The following EPB41L2 variants were observed in gnomAD, a reference collection of about 807,000 sequenced individuals.
EPB41L2 encodes band 4.1-like protein 2.
EPB41L2 carries 43 observed loss-of-function variants against 113.0 expected under a neutral mutation model. The ratio of observed to expected loss-of-function variants is 0.38; its 90% CI spans 0.30 to 0.49. EPB41L2 has a LOEUF of 0.49. Ranked by LOEUF, EPB41L2 falls within the 20% of genes least tolerant of loss-of-function variation. EPB41L2 has a pLI of 0.95. For synonymous variants in EPB41L2, 442 were observed against 436.7 expected (o/e 1.01, Z -0.15); for missense variants, 1,147 against 1,223.4 (o/e 0.94, Z 0.93).
intron 1 of EPB41L2, among the ~76,000 whole-genome samples, chr6:131,020,019 A>T (rs1387991603): frequency 6.6e-6 from 1 of 152,046 alleles, no homozygotes; most frequent in Non-Finnish European, 1.5e-5. Context: ...ACTAATTTCC[A>T]AGGTTTTCTG....
chr6:130,858,044 A>T, intron 19 of EPB41L2, 87 bp downstream of exon 19: 1 of 1,030,222 alleles, frequency 9.7e-7, no homozygotes, highest in Non-Finnish European at 1.5e-6. Flanking sequence ...GAAGACACTG[A>T]TATGAACTTT....
intron 1 of EPB41L2, among the ~76,000 whole-genome samples, chr6:131,051,145 A>C (rs1198737284): frequency 6.6e-6 from 1 of 152,092 alleles, no homozygotes; most frequent in Non-Finnish European, 1.5e-5. Flanking sequence ...TTCTTGACCA[A>C]TAACATATCA....
chr6:130,937,709 C>A (rs1452655482), intron 3 of EPB41L2, among the ~76,000 whole-genome samples: 1 of 151,868 alleles, frequency 6.6e-6, no homozygotes, highest in African/African-American at 2.4e-5. Flanking sequence ...ATCCCAGCTA[C>A]TCGGGAGGCT....
intron 3 of EPB41L2, among the ~76,000 whole-genome samples, chr6:130,936,017 A>G (rs1808662783): frequency 6.6e-6 from 1 of 152,206 alleles, no homozygotes; most frequent in Non-Finnish European, 1.5e-5. Flanking sequence ...ATACCCACAA[A>G]TTTTATACAA....
intron 1 of EPB41L2, among the ~76,000 whole-genome samples, chr6:131,041,675 C>T (rs1395087320): frequency 6.6e-6 from 1 of 152,060 alleles, no homozygotes; most frequent in Non-Finnish European, 1.5e-5. Context: ...ATGTGGGAAA[C>T]TCTATAGAGC....
At chr6:131,035,450 T>C (rs1372072603) in intron 1 of EPB41L2, among the ~76,000 whole-genome samples, 1 of 152,190 alleles carries the variant, frequency 6.6e-6, no homozygotes, top group East Asian at 1.9e-4. Flanking sequence ...CTCTTCTGCT[T>C]CCTTCCCTGA....
intron 1 of EPB41L2, among the ~76,000 whole-genome samples, chr6:131,011,496 C>A (rs945994963): frequency 6.6e-6 from 1 of 152,150 alleles, no homozygotes; most frequent in Non-Finnish European, 1.5e-5. Context: ...TTCCATGTAA[C>A]CATTGTATTT....
chr6:130,858,155 G>C lies in EPB41L2; in HGVS notation c.2999C>G (p.Ala1000Gly), dbSNP rs1210010003. 1.9e-6 allele frequency: 3 copies of C among 1,613,722 alleles called. No individual in the cohort carries two copies. Among genetic ancestry groups the C allele is most frequent in the African/African-American group, 1.3e-5 (1 of 74,922 alleles). Residue 1000 changes from alanine to glycine, a missense_variant, in exon 19 of 20, where the codon GCT becomes GGT. By Grantham distance (60) the Ala-to-Gly change is moderately conservative (BLOSUM62 0). Transcript: ENST00000337057. Reference protein sequence around the residue: ...RVVVHKETELAEEGED With the variant: ...RVVVHKETELGEEGED The stretch of plus-strand genomic sequence containing the variant: ...CCTTACTTAATCTTCCCCTTCCTCA[G>C]CCAACTCTGTTTCTTTGTGTACCAC...
intron 3 of EPB41L2, among the ~76,000 whole-genome samples, chr6:130,945,818 G>GT (rs1401408999): frequency 6.6e-6 from 1 of 151,914 alleles, no homozygotes; most frequent in Non-Finnish European, 1.5e-5. Flanking sequence ...AAACCTTATT[G>GT]TTTTTTTCCC....
chr6:131,016,475 GAAAC>G (rs1205466296), intron 1 of EPB41L2, among the ~76,000 whole-genome samples: 1 of 79,740 alleles, frequency 1.3e-5, no homozygotes, highest in African/African-American at 4.4e-5. Context: ...ATTTAATAAG[GAAAC>G]ACACACACAC....
chr6:130,899,414 T>G, intron 8 of EPB41L2, 77 bp downstream of exon 8: 1 of 1,145,754 alleles, frequency 8.7e-7, no homozygotes, highest in Non-Finnish European at 1.3e-6. Context: ...TAAGCTGTGC[T>G]ATCCTGAAAC....
At chr6:130,977,143 G>A (rs1322160444) in intron 1 of EPB41L2, among the ~76,000 whole-genome samples, 1 of 152,114 alleles carries the variant, frequency 6.6e-6, no homozygotes, top group Non-Finnish European at 1.5e-5. Context: ...AGGGATGAAA[G>A]AAATAAAACA....
At chr6:131,062,214 A>G (rs1169377534) in intron 1 of EPB41L2, among the ~76,000 whole-genome samples, 1 of 151,494 alleles carries the variant, frequency 6.6e-6, no homozygotes, top group Non-Finnish European at 1.5e-5. Flanking sequence ...AAAAAAAAAA[A>G]CTTGACCTCA....
At chr6:130,956,749 T>C (rs1023702507) in intron 1 of EPB41L2, among the ~76,000 whole-genome samples, 5 of 152,228 alleles carry the variant, frequency 3.3e-5, no homozygotes, top group African/African-American at 9.6e-5. Flanking sequence ...GAGTTCCATA[T>C]AGCTAGAACT....
At chr6:130,888,156 T>C (rs1470997249) in intron 11 of EPB41L2, among the ~76,000 whole-genome samples, 1 of 152,074 alleles carries the variant, frequency 6.6e-6, no homozygotes, top group Non-Finnish European at 1.5e-5. Context: ...TAAGGAGTGG[T>C]AAAGAAAATA....
intron 5 of EPB41L2, 56 bp from the exon 6 acceptor site, chr6:130,904,596 T>A: frequency 1.6e-6 from 2 of 1,224,478 alleles, no homozygotes; most frequent in Non-Finnish European, 2.3e-6. Flanking sequence ...ATGACTATTG[T>A]GATAAAATTT....
intron 1 of EPB41L2, among the ~76,000 whole-genome samples, chr6:131,052,693 T>C (rs914824113): frequency 4.6e-5 from 7 of 151,722 alleles, no homozygotes; most frequent in African/African-American, 1.7e-4. Context: ...GAGGAGAAAA[T>C]GGGAAGAGGG....
chr6:130,884,445 T>C (rs1790285794), intron 12 of EPB41L2, among the ~76,000 whole-genome samples: 1 of 152,256 alleles, frequency 6.6e-6, no homozygotes, highest in East Asian at 1.9e-4. Context: ...AGTCGCTTTG[T>C]GCAGACACAG....
intron 16 of EPB41L2, 110 bp from the exon 17 acceptor site, chr6:130,865,744 G>C: frequency 1.8e-6 from 2 of 1,106,498 alleles, no homozygotes; most frequent in Non-Finnish European, 2.6e-6. Flanking sequence ...TGTGGTTTGC[G>C]TGTTTGCAGT....
Sources: gnomAD v4.1 joint callset for allele counts (sites outside exome capture counted in the v4.1 genomes callset) on GRCh38, gnomAD v4.1.1 for gene constraint, MANE v1.5 for transcripts, NCBI Gene and HGNC (gene_info 2026-07-23, HGNC 2026-07-21) for gene names.